Variants in GALNT2 observed in about 807,000 individuals in gnomAD.
GALNT2 encodes the protein UDP-GalNAc:polypeptide N-acetylgalactosaminyltransferase 2.
A neutral mutation model predicts 81.4 loss-of-function variants in GALNT2; 31 were observed. That is an observed-to-expected ratio of 0.38 (90% CI 0.29 to 0.51). The LOEUF (loss-of-function observed/expected upper bound fraction) is 0.51. Among genes scored for constraint, GALNT2 ranks in the 20% least tolerant of loss-of-function variants. GALNT2 has a pLI of 0.87. For missense variants in GALNT2, 629 were observed against 765.7 expected (o/e 0.82, Z 2.11); for synonymous variants, 303 against 287.4 (o/e 1.05, Z -0.55).
intron 3 of GALNT2, among the ~76,000 whole-genome samples, chr1:230,230,250 A>G (rs892453398): frequency 2.6e-5 from 4 of 152,032 alleles, no homozygotes; most frequent in Non-Finnish European, 5.9e-5. Flanking sequence ...TTGCCTGCAG[A>G]TGAAAACTAG....
chr1:230,280,319 C>CCTGAGAGT lies in GALNT2; in HGVS notation c.*863_*870dup, dbSNP rs1295673109. On this transcript the variant is annotated 3_prime_UTR_variant, in exon 16 of 16. Coordinates refer to ENST00000366672, the MANE Select transcript of GALNT2 (RefSeq NM_004481.5). ...CCCCGGCATCCCTGTTGGGCGTCAGCCTGAGAGTCCCTACTGTGCGTCAGA... is the reference window on the plus strand; with the variant it reads ...CCCCGGCATCCCTGTTGGGCGTCAGCCTGAGAGTCTGAGAGTCCCTACTGTGCGTCAGA... 4 of 298,066 alleles carry CCTGAGAGT rather than the reference C, an allele frequency of 1.3e-5. No individual in the cohort carries two copies. Among genetic ancestry groups the CCTGAGAGT allele is most frequent in the African/African-American group, 2.2e-5 (1 of 46,262 alleles). The allele number at this position is 298,066 out of a possible 1,614,324, so 18.5% of individuals were successfully genotyped here. A position where few individuals can be genotyped will look rare whatever the true frequency, so the allele number is the denominator to read the frequency against.
chr1:230,265,279 A>G lies in GALNT2; in HGVS notation c.1352A>G (p.Gln451Arg), dbSNP rs771998260. ...DHQDIAFGALQQGTNCLDTLG... is the reference protein window; with the variant it reads ...DHQDIAFGALRQGTNCLDTLG... ...CAGGATATAGCTTTTGGGGCCTTGC[A>G]GCAGGGAACTAACTGCCTCGACACT... Residue 451 changes from glutamine (Q) to arginine (R), a missense_variant, in exon 14 of 16, where the codon CAG becomes CGG. By Grantham distance (43) the Gln-to-Arg change is conservative (BLOSUM62 1). This residue lies in a region of GALNT2 where 207 missense variants were observed against 225.5 expected (regional missense o/e 0.92). Coordinates refer to ENST00000366672, the MANE Select transcript of GALNT2 (RefSeq NM_004481.5). 6.2e-7 allele frequency: 1 copy of G among 1,614,258 alleles called. No individual in the cohort carries two copies. Among genetic ancestry groups the G allele is most frequent in the Non-Finnish European group, 8.5e-7 (1 of 1,180,046 alleles).
At chr1:230,262,341 C>G (rs924156849) in intron 11 of GALNT2, 3 of 493,562 alleles carry the variant, frequency 6.1e-6, no homozygotes, top group Admixed American at 3.6e-5. Context: ...ATCTGTGTGA[C>G]AAGAAAGCCA....
chr1:230,218,730 C>T (rs1158907677), intron 3 of GALNT2, among the ~76,000 whole-genome samples: 2 of 152,194 alleles, frequency 1.3e-5, no homozygotes, highest in African/African-American at 4.8e-5. Flanking sequence ...ACTTTGTTAT[C>T]TATCCCTGAA....
At chr1:230,218,196 G>A (rs1414573683) in intron 3 of GALNT2, among the ~76,000 whole-genome samples, 1 of 152,218 alleles carries the variant, frequency 6.6e-6, no homozygotes, top group East Asian at 1.9e-4. Flanking sequence ...CCTTTGGAAG[G>A]TAGAGATGAC....
At chr1:230,114,170 C>T (rs753185400) in intron 1 of GALNT2, among the ~76,000 whole-genome samples, 4 of 152,168 alleles carry the variant, frequency 2.6e-5, no homozygotes, top group Non-Finnish European at 5.9e-5. Context: ...TTCTTGGAAA[C>T]GGGCCACAGT....
intron 1 of GALNT2, among the ~76,000 whole-genome samples, chr1:230,151,520 C>A (rs904583134): frequency 6.6e-6 from 1 of 152,098 alleles, no homozygotes; most frequent in Non-Finnish European, 1.5e-5. Context: ...TTCTGACTAC[C>A]CGGCCTCCCC....
chr1:230,104,595 G>T (rs1051334092), intron 1 of GALNT2, among the ~76,000 whole-genome samples: 14 of 152,188 alleles, frequency 9.2e-5, no homozygotes, highest in Non-Finnish European at 1.9e-4. Context: ...CGCCCACCCT[G>T]GCTCTCCTTT....
chr1:230,229,117 TC>T, intron 3 of GALNT2, among the ~76,000 whole-genome samples: 1 of 152,154 alleles, frequency 6.6e-6, no homozygotes, highest in Admixed American at 6.6e-5. Flanking sequence ...GTTTGAAAAC[TC>T]AAAATTAAAA....
intron 2 of GALNT2, among the ~76,000 whole-genome samples, chr1:230,197,390 T>C (rs994223923): frequency 2.0e-5 from 3 of 152,032 alleles, no homozygotes; most frequent in Admixed American, 6.5e-5. Context: ...AGGACCCCCA[T>C]AAAGAAAGCA....
intron 2 of GALNT2, among the ~76,000 whole-genome samples, chr1:230,201,264 G>GA (rs2102705546): frequency 6.6e-6 from 1 of 152,310 alleles, no homozygotes; most frequent in African/African-American, 2.4e-5. Flanking sequence ...TATCATCGCT[G>GA]TAGCCAGGCT....
rs938975152 is a variant in GALNT2 at position 230,077,910 on chromosome 1, G to T, written c.126+10504G>T. Among the ~76,000 whole-genome samples the T allele has an allele frequency of 5.9e-5, 9 of 152,306 alleles. No individual in the cohort carries two copies. The East Asian group carries it at 1.7e-3, about 29-fold the overall frequency. On this transcript the variant is annotated intron_variant, in intron 1 of 15. Coordinates refer to ENST00000366672, the MANE Select transcript of GALNT2 (RefSeq NM_004481.5). ...ATCCCACCATGATTTGGTTTTTAGG[G>T]ATTAAGAGTGCTTGCTTCATTGTCG... is the stretch of plus-strand genomic sequence containing the variant.
chr1:230,247,916 C>G (rs1282249164), intron 8 of GALNT2, among the ~76,000 whole-genome samples: 1 of 152,148 alleles, frequency 6.6e-6, no homozygotes, highest in African/African-American at 2.4e-5. Context: ...GTCAGCTAAT[C>G]CTTAACCTTC....
At chr1:230,163,853 G>A (rs1442417260) in intron 1 of GALNT2, among the ~76,000 whole-genome samples, 2 of 152,230 alleles carry the variant, frequency 1.3e-5, no homozygotes, top group Admixed American at 1.3e-4. Flanking sequence ...GTCACTTGGT[G>A]TCAGTGAGCT....
chr1:230,115,630 G>A (rs1660822520), intron 1 of GALNT2, among the ~76,000 whole-genome samples: 1 of 152,180 alleles, frequency 6.6e-6, no homozygotes, highest in African/African-American at 2.4e-5. Context: ...GGTGGTTGAA[G>A]GTTGAGGTGG....
chr1:230,163,108 T>A (rs903534860), intron 1 of GALNT2, among the ~76,000 whole-genome samples: 3 of 152,200 alleles, frequency 2.0e-5, no homozygotes, highest in African/African-American at 4.8e-5. Context: ...CACGTGAATC[T>A]TTGGCTTACA....
At position 230,067,251 on chromosome 1, in the gene GALNT2, G is replaced by T. The variant is rs1395351815; in HGVS notation, c.-30G>T. ...GGCCCAGGCAGCACTCGCGAGCAGC[G>T]GCGGCCCCGCCGGCGGCCGAGTTGG... On this transcript the variant is annotated 5_prime_UTR_variant, in exon 1 of 16. Transcript: ENST00000366672. The T allele has an allele frequency of 2.4e-6, 3 of 1,266,410 alleles. No individual in the cohort carries two copies. Among genetic ancestry groups the T allele is most frequent in the Non-Finnish European group, 2.0e-6 (2 of 998,504 alleles). 78.4% of individuals were successfully genotyped at this position (1,266,410 alleles called of 1,614,324 possible). A position where few individuals can be genotyped will look rare whatever the true frequency, so the allele number is the denominator to read the frequency against.
intron 6 of GALNT2, among the ~76,000 whole-genome samples, chr1:230,239,720 A>G (rs1308632653): frequency 6.6e-6 from 1 of 152,090 alleles, no homozygotes; most frequent in Admixed American, 6.5e-5. Context: ...TATTTGTACC[A>G]TGTGCATTTT....
chr1:230,239,864 C>T (rs1165551106), intron 6 of GALNT2, among the ~76,000 whole-genome samples: 1 of 152,214 alleles, frequency 6.6e-6, no homozygotes, highest in Non-Finnish European at 1.5e-5. Context: ...AGAATTACAA[C>T]ATACAGCTCT....
Sources: allele counts gnomAD v4.1 joint callset (sites outside exome capture counted in the v4.1 genomes callset), GRCh38; gene constraint gnomAD v4.1.1; regional missense constraint gnomAD v4.1.1; transcripts MANE v1.5; gene names NCBI Gene and HGNC (gene_info 2026-07-23, HGNC 2026-07-21).